CHERP: variants seen among roughly 807,000 people sequenced by gnomAD.
The protein encoded by CHERP is calcium homeostasis endoplasmic reticulum protein, also known as ERPROT 213-21.
In CHERP, 8 loss-of-function variants were observed where a neutral mutation model predicts 113.8. That is an observed-to-expected ratio of 0.07 (90% CI 0.04 to 0.13). The LOEUF (loss-of-function observed/expected upper bound fraction) is 0.13. CHERP is among the 10% of genes least tolerant of loss of function. CHERP has a pLI of 1.00. For synonymous variants in CHERP, 559 were observed against 524.5 expected, an observed-to-expected ratio of 1.07 and a Z score of -0.90; for missense variants, 884 against 1,298.2, an observed-to-expected ratio of 0.68 and a Z score of 4.90.
rs949693178 is a variant in CHERP, at chr19:16,525,779, A to T, written c.1306-102T>A. On this transcript the variant is annotated intron_variant, in intron 9 of 16. Transcript: ENST00000546361. The surrounding 1 kb of genome is among the most constrained non-coding windows in gnomAD (Gnocchi z 6.5). ...ATCACAGCGCTGGCTCAGACCATGG[A>T]GGCGCTGCCCTGGCCACGTTGAGGC... is the stretch of plus-strand genomic sequence containing the variant. 1 of 1,165,936 alleles carries T rather than the reference A, an allele frequency of 8.6e-7. No homozygotes were observed. Among genetic ancestry groups the T allele is most frequent in the Admixed American group, 3.2e-5 (1 of 31,494 alleles). 72.2% of individuals were successfully genotyped at this position (1,165,936 alleles called of 1,614,324 possible). A position where few individuals can be genotyped will look rare whatever the true frequency, so the allele number is the denominator to read the frequency against.
chr19:16,530,023 CG>C lies in CHERP; in HGVS notation c.877-124del. ...GACCTGGGGCAGGTGGACAGGGAAC[CG>C]TCACGTGAAACAGCCAACACAGTCT... is the stretch of plus-strand genomic sequence containing the variant. On this transcript the variant is annotated intron_variant, in intron 7 of 16. Transcript: ENST00000546361. The surrounding 1 kb of genome is among the most constrained non-coding windows in gnomAD (Gnocchi z 4.1). 1 of 1,303,804 alleles carries C rather than the reference CG, an allele frequency of 7.7e-7. No homozygotes were observed. The highest frequency in any genetic ancestry group is 1.0e-6 in the Non-Finnish European group (1 of 958,546). 80.8% of individuals were successfully genotyped at this position (1,303,804 alleles called of 1,614,324 possible).
rs1426793625 is a variant in CHERP, at chr19:16,532,808, G to A, written c.523-59C>T. 3 of 1,569,072 alleles carry A rather than the reference G, an allele frequency of 1.9e-6. No homozygotes were observed. The highest frequency in any genetic ancestry group is 2.6e-6 in the Non-Finnish European group (3 of 1,152,730). The stretch of plus-strand genomic sequence containing the variant: ...GCCGCGGCTCCCCCAGGCACCCACT[G>A]CATCCCTGAGAGCGCGTCACCATCA... On this transcript the variant is annotated intron_variant, in intron 4 of 16. Coordinates refer to ENST00000546361, the MANE Select transcript of CHERP (RefSeq NM_006387.6). This position sits in a 1 kb window ranked among gnomAD's most constrained non-coding sequence, Gnocchi z 4.4.
chr19:16,530,792 C>T lies in CHERP; in HGVS notation c.763G>A (p.Asp255Asn). The T allele has an allele frequency of 3.7e-6, 6 of 1,614,018 alleles. No individual in the cohort carries two copies. Among genetic ancestry groups the T allele is most frequent in the Non-Finnish European group, 5.1e-6 (6 of 1,180,004 alleles). ...ACCCGGGCGATCTTCTGCTGCTTGT[C>T]TTCCTCCACGGCCAAGAAGCTGGTG... ...YCTSFLAVEE[D>N]KQQKIARLLQ... is the part of the protein sequence containing the mutation. The change falls in exon 6 of 17, where the codon GAC becomes AAC. Residue 255 changes from aspartate (D) to asparagine (N), a missense_variant. Transcript: ENST00000546361. This position sits in a 1 kb window ranked among gnomAD's most constrained non-coding sequence, Gnocchi z 4.1.
At chr19:16,527,000 C>A (rs1017061256) in intron 9 of CHERP, among the ~76,000 whole-genome samples, 1 of 152,248 alleles carries the variant, frequency 6.6e-6, no homozygotes, top group Non-Finnish European at 1.5e-5. Flanking sequence ...CTCAAGCAAT[C>A]TTCCTGCCTT....
Position 16,525,116 on chromosome 19 carries a change from C to T in CHERP, c.1741+126G>A. 1 of 963,946 alleles carries T rather than the reference C, an allele frequency of 1.0e-6. No individual in the cohort carries two copies. The highest frequency in any genetic ancestry group is 1.4e-6 in the Non-Finnish European group (1 of 716,496). 59.7% of individuals were successfully genotyped at this position (963,946 alleles called of 1,614,324 possible). A position where few individuals can be genotyped will look rare whatever the true frequency, so the allele number is the denominator to read the frequency against. On this transcript the variant is annotated intron_variant, in intron 10 of 16. Transcript: ENST00000546361. This position sits in a 1 kb window ranked among gnomAD's most constrained non-coding sequence, Gnocchi z 6.5. ...CCCAGGCCGGGCTCCTCGGACGTCC[C>T]ATGACCCTGTGTCTGTCACTGTGCA...
At position 16,525,862 on chromosome 19, in the gene CHERP, T is replaced by C. The variant is rs906898271; in HGVS notation, c.1306-185A>G. ...GCACCTGCTCTCAGCCCGCACCACATGCTGCTGCAAAATGACCAGACACCC... is the reference window on the plus strand; with the variant it reads ...GCACCTGCTCTCAGCCCGCACCACACGCTGCTGCAAAATGACCAGACACCC... On this transcript the variant is annotated intron_variant, in intron 9 of 16. Transcript: ENST00000546361. The surrounding 1 kb of genome is among the most constrained non-coding windows in gnomAD (Gnocchi z 6.5). 2.5e-4 allele frequency among the ~76,000 whole-genome samples: 38 copies of C among 152,236 alleles called. No individual in the cohort carries two copies. The highest frequency in any genetic ancestry group is 7.9e-4 in the African/African-American group (33 of 41,544).
Position 16,532,969 on chromosome 19 carries a change from G to A in CHERP, c.522+42C>T. 1 of 1,555,196 alleles carries A rather than the reference G, an allele frequency of 6.4e-7. No homozygotes were observed. Among genetic ancestry groups the A allele is most frequent in the Non-Finnish European group, 8.7e-7 (1 of 1,148,308 alleles). Reference sequence around the variant, plus strand: ...TACGACAGGCCCTGCCTCAGGGAGGGACCAAGGGAAAGCTGGGCTCTGGGA... The same window carrying A: ...TACGACAGGCCCTGCCTCAGGGAGGAACCAAGGGAAAGCTGGGCTCTGGGA... On this transcript the variant is annotated intron_variant, in intron 4 of 16. Coordinates refer to ENST00000546361, the MANE Select transcript of CHERP (RefSeq NM_006387.6). This position sits in a 1 kb window ranked among gnomAD's most constrained non-coding sequence, Gnocchi z 4.4.
intron 10 of CHERP, among the ~76,000 whole-genome samples, chr19:16,524,276 C>G (rs1418915364): frequency 3.3e-5 from 5 of 149,720 alleles, no homozygotes; most frequent in Non-Finnish European, 4.4e-5. Flanking sequence ...AACAAAAGGC[C>G]AAGCGAGGTG....
Position 16,525,482 on chromosome 19 carries a change from C to A in CHERP, c.1501G>T (p.Glu501Ter). Reference sequence around the variant, plus strand: ...TGGCCCCCGCCCCAGGGCGGCTGCTCGTGCTGGCTGTTCCAGGGGCCCTCG... The same window carrying A: ...TGGCCCCCGCCCCAGGGCGGCTGCTAGTGCTGGCTGTTCCAGGGGCCCTCG... Reference protein sequence around the residue: ...QFEGPWNSQHEQPPWGGGQRE... With the variant: ...QFEGPWNSQH Residue 501 changes from glutamate to a stop codon, truncating the protein, a stop_gained, in exon 10 of 17, where the codon GAG (glutamate) becomes TAG (stop). Coordinates refer to ENST00000546361, the MANE Select transcript of CHERP (RefSeq NM_006387.6). LOFTEE classifies it high-confidence loss of function. This position sits in a 1 kb window ranked among gnomAD's most constrained non-coding sequence, Gnocchi z 6.5. The A allele has an allele frequency of 6.4e-7, 1 of 1,552,860 alleles. No homozygotes were observed. The highest frequency in any genetic ancestry group is 2.4e-5 in the East Asian group (1 of 41,260).
Position 16,519,045 on chromosome 19 carries a change from C to G in CHERP, c.*114G>C. On this transcript the variant is annotated 3_prime_UTR_variant, in exon 17 of 17. Coordinates refer to ENST00000546361, the MANE Select transcript of CHERP (RefSeq NM_006387.6). The surrounding 1 kb of genome is among the most constrained non-coding windows in gnomAD (Gnocchi z 6.0). ...TTCCTTCTCTTCCTGTGGCTCTCCA[C>G]AAGTGGAGACGGTGTAAGAACTGAG... is the stretch of plus-strand genomic sequence containing the variant. 1.0e-6 allele frequency: 1 copy of G among 969,362 alleles called. No homozygotes were observed. The highest frequency in any genetic ancestry group is 1.5e-6 in the Non-Finnish European group (1 of 656,046). 60.0% of individuals were successfully genotyped at this position (969,362 alleles called of 1,614,324 possible).
chr19:16,528,282 G>A lies in CHERP; in HGVS notation c.1130-27C>T, dbSNP rs745659540. On this transcript the variant is annotated intron_variant, in intron 8 of 16. Transcript: ENST00000546361. ...TAAATCCAAGTGACAGGCAGTTAGA[G>A]CAGGCCTGGCAGCAGGAGGCGCTGT... 5.9e-6 allele frequency: 9 copies of A among 1,537,986 alleles called. No homozygotes were observed. The East Asian group carries it at 1.8e-4, about 31-fold the overall frequency.
chr19:16,536,706 T>C (rs11878825), intron 2 of CHERP, among the ~76,000 whole-genome samples: 12,837 of 152,108 alleles, frequency 0.084, 626 homozygotes, highest in Admixed American at 0.11. Flanking sequence ...TCTTTACCCG[T>C]CCCTCCCCAG....
chr19:16,523,548 G>A lies in CHERP; in HGVS notation c.1742-258C>T, dbSNP rs560989788. The stretch of plus-strand genomic sequence containing the variant: ...GAACCCCAAAACCCCAAAACTGCAC[G>A]GTGAGGGCTAAGTTGTGACCCTCCG... On this transcript the variant is annotated intron_variant, in intron 10 of 16. Coordinates refer to ENST00000546361, the MANE Select transcript of CHERP (RefSeq NM_006387.6). The surrounding 1 kb of genome is among the most constrained non-coding windows in gnomAD (Gnocchi z 4.0). 1.5e-4 allele frequency among the ~76,000 whole-genome samples: 23 copies of A among 152,280 alleles called. 1 individual carries two copies. The South Asian group carries it at 4.8e-3, about 32-fold the overall frequency.
At chr19:16,542,323 G>A in intron 1 of CHERP, 31 bp downstream of exon 1, 1 of 1,412,384 alleles carries the variant, frequency 7.1e-7, no homozygotes, top group Non-Finnish European at 9.3e-7. Flanking sequence ...CGGGGAGAGA[G>A]AAACGGTCTC....
In CHERP at chr19:16,525,717, G is replaced by A; in HGVS notation, c.1306-40C>T. 7.0e-7 allele frequency: 1 copy of A among 1,438,770 alleles called. No individual in the cohort carries two copies. Among genetic ancestry groups the A allele is most frequent in the Non-Finnish European group, 9.2e-7 (1 of 1,090,404 alleles). The allele number at this position is 1,438,770 out of a possible 1,614,324, so 89.1% of individuals were successfully genotyped here. A position where few individuals can be genotyped will look rare whatever the true frequency, so the allele number is the denominator to read the frequency against. Reference sequence around the variant, plus strand: ...ACAGGCTTGAGCCCTGCGTGGTCTAGGCCCTAGTGCTCGGCAGCATCACAG... The same window carrying A: ...ACAGGCTTGAGCCCTGCGTGGTCTAAGCCCTAGTGCTCGGCAGCATCACAG... On this transcript the variant is annotated intron_variant, in intron 9 of 16. Transcript: ENST00000546361. This position sits in a 1 kb window ranked among gnomAD's most constrained non-coding sequence, Gnocchi z 6.5.
rs200659711 is a variant in CHERP at position 16,534,052 on chromosome 19, C to CTTTTTTT, written c.385-905_385-904insAAAAAAA. Among the ~76,000 whole-genome samples, 2 of 133,824 alleles carry CTTTTTTT rather than the reference C, an allele frequency of 1.5e-5. 1 individual carries two copies. 87.8% of individuals were successfully genotyped at this position (133,824 alleles called of 152,430 possible). A position where few individuals can be genotyped will look rare whatever the true frequency, so the allele number is the denominator to read the frequency against. ...GGTGAGCATTCTGGAACTTTCTTTTCTTTTCTTTTTTTTTTTTTTGAGATG... is the reference window on the plus strand; with the variant it reads ...GGTGAGCATTCTGGAACTTTCTTTTCTTTTTTTTTTTCTTTTTTTTTTTTTTGAGATG... On this transcript the variant is annotated intron_variant, in intron 3 of 16. Coordinates refer to ENST00000546361, the MANE Select transcript of CHERP (RefSeq NM_006387.6).
intron 8 of CHERP, among the ~76,000 whole-genome samples, chr19:16,528,799 A>G (rs2122263925): frequency 6.6e-6 from 1 of 152,280 alleles, no homozygotes; most frequent in South Asian, 2.1e-4. Flanking sequence ...TAAAAATACA[A>G]AAAAGTAGCT....
At chr19:16,524,392 TA>T (rs1455028285) in intron 10 of CHERP, among the ~76,000 whole-genome samples, 2 of 151,764 alleles carry the variant, frequency 1.3e-5, no homozygotes, top group East Asian at 3.9e-4. Context: ...CTGTCTCTAC[TA>T]AAGACACAAA....
At chr19:16,524,953 A>C (rs1336315364) in intron 10 of CHERP, among the ~76,000 whole-genome samples, 2 of 152,124 alleles carry the variant, frequency 1.3e-5, no homozygotes, top group Non-Finnish European at 2.9e-5. Context: ...CAGCAGCAGT[A>C]AAAAGAACGA....
Sources: gnomAD v4.1 joint callset for allele counts (sites outside exome capture counted in the v4.1 genomes callset) on GRCh38, gnomAD v4.1.1 for gene constraint, Gnocchi (gnomAD v3.1) non-coding constraint, MANE v1.5 for transcripts, NCBI Gene and HGNC (gene_info 2026-07-23, HGNC 2026-07-21) for gene names.